Variants in LRBA observed in about 807,000 individuals in gnomAD.
LRBA encodes the protein lipopolysaccharide-responsive and beige-like anchor protein.
In LRBA, 176 loss-of-function variants were observed where a neutral mutation model predicts 330.0. The observed-to-expected ratio is 0.53, with a 90% CI of 0.47 to 0.60. The LOEUF (loss-of-function observed/expected upper bound fraction) is 0.60. Among genes scored for constraint, LRBA ranks in the 20% least tolerant of loss-of-function variants. The pLI is 0.00. For synonymous variants in LRBA, 1,230 were observed against 1,193.0 expected (o/e 1.03, Z -0.64); for missense variants, 3,259 against 3,444.8 (o/e 0.95, Z 1.35).
At chr4:150,535,648 T>C (rs1054176874) in intron 40 of LRBA, among the ~76,000 whole-genome samples, 1 of 152,216 alleles carries the variant, frequency 6.6e-6, no homozygotes, top group East Asian at 1.9e-4. Context: ...GTTCATAGAT[T>C]AGAGAACTAT....
chr4:150,697,449 A>C (rs1367484099), intron 36 of LRBA, among the ~76,000 whole-genome samples: 4 of 151,846 alleles, frequency 2.6e-5, no homozygotes, highest in African/African-American at 9.7e-5. Flanking sequence ...GAGGTCAAAA[A>C]CTAAGAGAAC....
chr4:150,265,081 A>T lies in LRBA; in HGVS notation c.*641T>A, dbSNP rs781181030. The T allele has an allele frequency of 3.3e-5, 5 of 152,704 alleles. No individual in the cohort carries two copies. The highest frequency in any genetic ancestry group is 7.3e-5 in the Non-Finnish European group (5 of 68,084). The allele number at this position is 152,704 out of a possible 1,614,324, so 9.5% of individuals were successfully genotyped here. ...AGATGACAGATCAGGAAAAAATGGT[A>T]ACTATTTCACACTTGCTATAAATTA... On this transcript the variant is annotated 3_prime_UTR_variant, in exon 57 of 57. Coordinates refer to ENST00000651943, the MANE Select transcript of LRBA (RefSeq NM_001364905.1).
chr4:150,453,256 CAT>C lies in LRBA; in HGVS notation c.6780+14415_6780+14416del, dbSNP rs1371595001. On this transcript the variant is annotated intron_variant, in intron 44 of 56. Coordinates refer to ENST00000651943, the MANE Select transcript of LRBA (RefSeq NM_001364905.1). ...AAGAAAAATAAAGCTGGAGGATTCA[CAT>C]GACTTTATTACATGATTTACTATAA... 4.6e-5 allele frequency among the ~76,000 whole-genome samples: 7 copies of C among 152,224 alleles called. No individual in the cohort carries two copies. In the East Asian group the frequency reaches 1.4e-3, roughly 29 times the overall value.
At chr4:150,482,563 T>A (rs1757408761) in intron 42 of LRBA, among the ~76,000 whole-genome samples, 1 of 152,052 alleles carries the variant, frequency 6.6e-6, no homozygotes, top group Admixed American at 6.6e-5. Context: ...AGAGTGAGAC[T>A]CCTAGGATGT....
At chr4:150,829,108 T>G (rs538972878) in intron 29 of LRBA, among the ~76,000 whole-genome samples, 1 of 152,064 alleles carries the variant, frequency 6.6e-6, no homozygotes, top group Non-Finnish European at 1.5e-5. Context: ...CTAATTTTTC[T>G]ATTTTTTTGT....
chr4:150,857,387 G>A (rs1220244605), intron 22 of LRBA, among the ~76,000 whole-genome samples: 1 of 152,096 alleles, frequency 6.6e-6, no homozygotes, highest in Non-Finnish European at 1.5e-5. Context: ...AAGATAGGAA[G>A]AACACTGACA....
chr4:150,924,189 G>A (rs889007719), intron 4 of LRBA, among the ~76,000 whole-genome samples: 1 of 152,216 alleles, frequency 6.6e-6, no homozygotes, highest in South Asian at 2.1e-4. Context: ...CTGGGGGAGT[G>A]TATACTGTAC....
chr4:150,930,192 G>A (rs1225399127), intron 2 of LRBA, among the ~76,000 whole-genome samples: 2 of 152,030 alleles, frequency 1.3e-5, no homozygotes, highest in Non-Finnish European at 2.9e-5. Flanking sequence ...GCATGCGCCT[G>A]TAATCCCAGC....
intron 34 of LRBA, among the ~76,000 whole-genome samples, chr4:150,770,966 T>C (rs772705281): frequency 3.9e-5 from 6 of 152,194 alleles, no homozygotes; most frequent in South Asian, 2.1e-4. Context: ...TTCCCCACAG[T>C]AGTCAGGATC....
At chr4:150,927,903 T>G (rs1264239243) in intron 4 of LRBA, among the ~76,000 whole-genome samples, 1 of 152,218 alleles carries the variant, frequency 6.6e-6, no homozygotes, top group Non-Finnish European at 1.5e-5. Flanking sequence ...ATCAGCTGGC[T>G]GAGCTGTTGC....
chr4:150,534,483 T>C (rs1420847109), intron 40 of LRBA, among the ~76,000 whole-genome samples: 1 of 151,844 alleles, frequency 6.6e-6, no homozygotes. Context: ...GGAAAGTTTT[T>C]AAGATACTTG....
At chr4:150,901,617 G>A (rs1730737387) in intron 13 of LRBA, among the ~76,000 whole-genome samples, 2 of 152,106 alleles carry the variant, frequency 1.3e-5, no homozygotes, top group African/African-American at 4.8e-5. Flanking sequence ...GCAAAAAGTA[G>A]GTACCTATCT....
intron 37 of LRBA, among the ~76,000 whole-genome samples, chr4:150,675,585 G>A (rs1782456266): frequency 6.6e-6 from 1 of 152,006 alleles, no homozygotes; most frequent in South Asian, 2.1e-4. Context: ...AGGTGTGGTG[G>A]CACGTGCCTG....
intron 43 of LRBA, among the ~76,000 whole-genome samples, chr4:150,470,380 C>T (rs144199597): frequency 6.6e-6 from 1 of 152,212 alleles, no homozygotes; most frequent in Non-Finnish European, 1.5e-5. Context: ...ATCACTCATT[C>T]CTTTTTGTCC....
rs189282399 is a variant in LRBA, at chr4:150,913,678, T to C, written c.1161+517A>G. 4.2e-3 allele frequency among the ~76,000 whole-genome samples: 636 copies of C among 152,334 alleles called. 3 individuals carry two copies. Among genetic ancestry groups the C allele is most frequent in the African/African-American group, 0.015 (616 of 41,582 alleles). ...TTGCTATCTACTTCTTTTAATTCTA[T>C]CAAAGTTTGCTTCATATATTTGAGA... On this transcript the variant is annotated intron_variant, in intron 9 of 56. Transcript: ENST00000651943.
At chr4:150,652,498 T>C (rs1214293853) in intron 37 of LRBA, among the ~76,000 whole-genome samples, 3 of 152,208 alleles carry the variant, frequency 2.0e-5, no homozygotes, top group Non-Finnish European at 4.4e-5. Context: ...AAACTGGTTA[T>C]TAGATTTAAA....
At chr4:150,647,019 A>G (rs1004868598) in intron 37 of LRBA, among the ~76,000 whole-genome samples, 1 of 152,130 alleles carries the variant, frequency 6.6e-6, no homozygotes, top group Non-Finnish European at 1.5e-5. Context: ...AACGAAGAAC[A>G]TGGTCCTGAA....
intron 40 of LRBA, among the ~76,000 whole-genome samples, chr4:150,503,904 G>A (rs141472786): frequency 0.15 from 22,664 of 152,194 alleles, 1,709 homozygotes; most frequent in Middle Eastern, 0.18. Flanking sequence ...TAAAGGACCT[G>A]ATGGAGCTGA....
chr4:150,949,085 C>T (rs1301453774), intron 2 of LRBA, among the ~76,000 whole-genome samples: 1 of 150,608 alleles, frequency 6.6e-6, no homozygotes, highest in Non-Finnish European at 1.5e-5. Context: ...AGCAAGTGCA[C>T]TCCTGCCATT....
Sources: gnomAD v4.1 joint callset for allele counts (sites outside exome capture counted in the v4.1 genomes callset) on GRCh38, gnomAD v4.1.1 for gene constraint, MANE v1.5 for transcripts, NCBI Gene and HGNC (gene_info 2026-07-23, HGNC 2026-07-21) for gene names.